TMEM35A: variants seen among roughly 807,000 people sequenced by gnomAD.
TMEM35A encodes nicotinic acetylcholine receptor chaperone.
For synonymous variants in TMEM35A, 50 were observed against 54.7 expected (o/e 0.91, Z 0.38); for missense variants, 83 against 132.7 (o/e 0.63, Z 1.84).
chrX:101,088,448 C>T (rs1279087117), intron 1 of TMEM35A, among the ~76,000 whole-genome samples: 1 of 109,880 alleles, frequency 9.1e-6, no homozygotes, highest in African/African-American at 3.3e-5. Context: ...CCAGTCTCTA[C>T]AAAAAAACTT....
intron 1 of TMEM35A, chrX:101,081,429 G>A (rs1369297527): frequency 8.9e-6 from 1 of 112,520 alleles, no homozygotes; most frequent in African/African-American, 3.2e-5. Flanking sequence ...TGCTCAATAT[G>A]TATTTGTGGA....
chrX:101,080,382 G>T (rs1030882350), intron 1 of TMEM35A, among the ~76,000 whole-genome samples: 29 of 111,913 alleles, frequency 2.6e-4, no homozygotes, highest in African/African-American at 9.1e-4. Flanking sequence ...GGCAGCTCTG[G>T]CTTCTGTCTC....
intron 1 of TMEM35A, among the ~76,000 whole-genome samples, chrX:101,087,175 C>G (rs1357604240): frequency 9.0e-6 from 1 of 110,923 alleles, no homozygotes; most frequent in Non-Finnish European, 1.9e-5. Flanking sequence ...AGGCTGGTCT[C>G]GAACTCCCAA....
intron 1 of TMEM35A, among the ~76,000 whole-genome samples, chrX:101,088,211 A>G (rs928715895): frequency 9.0e-6 from 1 of 111,048 alleles, no homozygotes; most frequent in Non-Finnish European, 1.9e-5. Flanking sequence ...AAAAACAAAA[A>G]ACAAAAAACA....
At chrX:101,085,811 C>T (rs189032651) in intron 1 of TMEM35A, among the ~76,000 whole-genome samples, 298 of 107,149 alleles carry the variant, frequency 2.8e-3, no homozygotes, top group African/African-American at 8.9e-3. Context: ...GTGGCACACA[C>T]CTGTAATCCC....
chrX:101,080,887 C>G (rs2089289983), intron 1 of TMEM35A, among the ~76,000 whole-genome samples: 1 of 110,119 alleles, frequency 9.1e-6, no homozygotes, highest in Non-Finnish European at 1.9e-5. Flanking sequence ...GAGGCCCCCC[C>G]AAGCTGCACC....
At chrX:101,087,744 T>C (rs2089311594) in intron 1 of TMEM35A, among the ~76,000 whole-genome samples, 1 of 111,764 alleles carries the variant, frequency 8.9e-6, no homozygotes, top group African/African-American at 3.2e-5. Flanking sequence ...AAGTCTTGGC[T>C]CCTAACTGAC....
At chrX:101,089,453 G>C (rs2089316799) in intron 1 of TMEM35A, among the ~76,000 whole-genome samples, 1 of 109,795 alleles carries the variant, frequency 9.1e-6, no homozygotes, top group African/African-American at 3.3e-5. Flanking sequence ...AAGTAGCCTT[G>C]CTGACTTTAC....
chrX:101,090,169 C>CTTTCTTTTTTTTTTTTTTT (rs1556381270), intron 1 of TMEM35A, among the ~76,000 whole-genome samples: 44 of 97,499 alleles, frequency 4.5e-4, no homozygotes, highest in African/African-American at 1.8e-3. Flanking sequence ...TTCTTTCTTT[C>CTTTCTTTTTTTTTTTTTTT]TTTTTTTTTT....
rs534169181 is a variant in TMEM35A, at chrX:101,091,575, G to A, written c.121-2998G>A. Among the ~76,000 whole-genome samples, 466 of 112,249 alleles carry A rather than the reference G, an allele frequency of 4.2e-3. 1 individual carries two copies. The highest frequency in any genetic ancestry group is 6.0e-3 in the Non-Finnish European group (322 of 53,271). ...CTGCCTTGGCCTCCCAAAGTGTTGG[G>A]ATTACAGGCGTGAGCCACCATGCCC... On this transcript the variant is annotated intron_variant, in intron 1 of 1. Transcript: ENST00000372930.
At chrX:101,084,505 C>T (rs1241211154) in intron 1 of TMEM35A, among the ~76,000 whole-genome samples, 1 of 111,135 alleles carries the variant, frequency 9.0e-6, no homozygotes, top group Non-Finnish European at 1.9e-5. Context: ...GAAACATGCA[C>T]ATAGCATAAG....
At chrX:101,085,800 G>A (rs1400317910) in intron 1 of TMEM35A, among the ~76,000 whole-genome samples, 1 of 107,781 alleles carries the variant, frequency 9.3e-6, no homozygotes, top group Non-Finnish European at 1.9e-5. Flanking sequence ...AGCTGGGCAT[G>A]GTGGCACACA....
chrX:101,084,585 C>G (rs2089301517), intron 1 of TMEM35A, among the ~76,000 whole-genome samples: 1 of 111,968 alleles, frequency 8.9e-6, no homozygotes, highest in Admixed American at 9.6e-5. Flanking sequence ...AAGCACATTG[C>G]CAGGTGCTGT....
At chrX:101,089,592 A>T (rs2089317309) in intron 1 of TMEM35A, among the ~76,000 whole-genome samples, 1 of 108,003 alleles carries the variant, frequency 9.3e-6, no homozygotes, top group Non-Finnish European at 1.9e-5. Context: ...AAAAAAAAAA[A>T]AAAAATTAGC....
At chrX:101,089,242 T>A (rs1159755416) in intron 1 of TMEM35A, among the ~76,000 whole-genome samples, 1 of 110,955 alleles carries the variant, frequency 9.0e-6, no homozygotes, top group Non-Finnish European at 1.9e-5. Flanking sequence ...AGGAATAGGG[T>A]AGGAACTAGG....
intron 1 of TMEM35A, among the ~76,000 whole-genome samples, chrX:101,085,119 C>T (rs372240898): frequency 3.1e-4 from 35 of 111,521 alleles, no homozygotes; most frequent in African/African-American, 1.1e-3. Flanking sequence ...GAAGTGGACA[C>T]TATTTGCCCT....
chrX:101,085,888 G>T (rs2148109499), intron 1 of TMEM35A, among the ~76,000 whole-genome samples: 1 of 109,703 alleles, frequency 9.1e-6, no homozygotes, highest in Admixed American at 9.7e-5. Context: ...AGTGAGCCAA[G>T]ATCGCGCCAC....
intron 1 of TMEM35A, 39 bp from the exon 2 acceptor site, chrX:101,094,534 G>A (rs1459388019): frequency 1.7e-6 from 2 of 1,152,839 alleles, no homozygotes; most frequent in Middle Eastern, 2.5e-4. Context: ...TTAAAATCAT[G>A]GTTAATGCAG....
intron 1 of TMEM35A, among the ~76,000 whole-genome samples, chrX:101,086,952 C>CT (rs144682101): frequency 0.45 from 32,472 of 72,537 alleles, 6,889 homozygotes; most frequent in Non-Finnish European, 0.53. Flanking sequence ...TAATAGGATT[C>CT]TTTTTTTTTT....
Sources: gnomAD v4.1 joint callset for allele counts (sites outside exome capture counted in the v4.1 genomes callset) on GRCh38, gnomAD v4.1.1 for gene constraint, MANE v1.5 for transcripts, NCBI Gene and HGNC (gene_info 2026-07-23, HGNC 2026-07-21) for gene names.